Variants in PPARGC1A observed in about 807,000 individuals in gnomAD.
PPARGC1A encodes PPARG coactivator 1 alpha.
Under a neutral mutation model 88.7 loss-of-function variants are expected in PPARGC1A, and 25 were observed. The ratio of observed to expected loss-of-function variants is 0.28; its 90% CI spans 0.21 to 0.39. PPARGC1A has a LOEUF of 0.39. PPARGC1A is among the 10% of genes least tolerant of loss of function. The pLI is 1.00. For missense variants in PPARGC1A, 880 were observed against 968.7 expected, an observed-to-expected ratio of 0.91 and a Z score of 1.22; for synonymous variants, 363 against 355.6, an observed-to-expected ratio of 1.02 and a Z score of -0.24.
At chr4:24,330,732 C>G in the PPARGC1A span, among the ~76,000 whole-genome samples, 1 of 150,294 alleles carries the variant, frequency 6.7e-6, no homozygotes, top group Admixed American at 6.6e-5. Context: ...AACTGAGACC[C>G]AGCACACTCA....
the PPARGC1A span, among the ~76,000 whole-genome samples, chr4:24,410,902 T>C: frequency 6.6e-6 from 1 of 152,198 alleles, no homozygotes; most frequent in Non-Finnish European, 1.5e-5. Context: ...GTTTTGGGAC[T>C]CTGATCCACC....
At chr4:24,050,199 G>GTTTT in the PPARGC1A span, among the ~76,000 whole-genome samples, 1 of 134,666 alleles carries the variant, frequency 7.4e-6, no homozygotes, top group African/African-American at 2.7e-5. Context: ...GTGACCTTTT[G>GTTTT]TTTTTTTTTT....
chr4:24,012,737 A>C, the PPARGC1A span, among the ~76,000 whole-genome samples: 1 of 152,248 alleles, frequency 6.6e-6, no homozygotes, highest in East Asian at 1.9e-4. Context: ...CTAATTACTA[A>C]TAAAAGAGAT....
At chr4:24,170,463 G>A in the PPARGC1A span, among the ~76,000 whole-genome samples, 1 of 152,158 alleles carries the variant, frequency 6.6e-6, no homozygotes, top group Non-Finnish European at 1.5e-5. Flanking sequence ...AAGAATTCTT[G>A]ATTTTTAAAC....
At chr4:24,328,765 C>T in the PPARGC1A span, among the ~76,000 whole-genome samples, 1 of 152,196 alleles carries the variant, frequency 6.6e-6, no homozygotes, top group Non-Finnish European at 1.5e-5. Context: ...ATGGAGTTTG[C>T]TTTAAACGGT....
chr4:24,276,706 A>T, the PPARGC1A span, among the ~76,000 whole-genome samples: 36 of 152,230 alleles, frequency 2.4e-4, no homozygotes, highest in African/African-American at 8.2e-4. Flanking sequence ...TAGGAAAATT[A>T]AACTCAAATA....
chr4:24,337,693 GA>G, the PPARGC1A span, among the ~76,000 whole-genome samples: 63,211 of 127,158 alleles, frequency 0.5, 14,316 homozygotes, highest in African/African-American at 0.64. Context: ...TTTTACAAAT[GA>G]AAAAAAAAAA....
At chr4:24,198,836 A>G in the PPARGC1A span, among the ~76,000 whole-genome samples, 8 of 152,336 alleles carry the variant, frequency 5.3e-5, no homozygotes, top group Admixed American at 1.3e-4. Context: ...GGGCTGGGGC[A>G]CCTACAGGCT....
chr4:23,806,166 C>A (rs188531436), intron 10 of PPARGC1A, among the ~76,000 whole-genome samples: 1 of 152,128 alleles, frequency 6.6e-6, no homozygotes, highest in Admixed American at 6.6e-5. Context: ...TGCCTCACTA[C>A]CTTACAAAGA....
chr4:24,058,020 A>T, the PPARGC1A span, among the ~76,000 whole-genome samples: 1 of 152,226 alleles, frequency 6.6e-6, no homozygotes, highest in African/African-American at 2.4e-5. Flanking sequence ...AACCTGCTGG[A>T]AACAGCCCCT....
upstream of PPARGC1A, among the ~76,000 whole-genome samples, chr4:23,890,739 T>C (rs1717736460): frequency 6.6e-6 from 1 of 151,800 alleles, no homozygotes; most frequent in Non-Finnish European, 1.5e-5. Flanking sequence ...GAAGAGTTGC[T>C]GCAGTTTTCT....
the PPARGC1A span, among the ~76,000 whole-genome samples, chr4:24,161,707 C>T: frequency 2.6e-3 from 392 of 152,082 alleles, 1 homozygote; most frequent in African/African-American, 9.0e-3. Flanking sequence ...AGAGAGGTTC[C>T]GATGGTAAAT....
At chr4:24,038,979 T>C in the PPARGC1A span, among the ~76,000 whole-genome samples, 1 of 152,160 alleles carries the variant, frequency 6.6e-6, no homozygotes, top group African/African-American at 2.4e-5. Context: ...AGGTCTTGTC[T>C]TACACAATTT....
chr4:23,910,248 T>G, the PPARGC1A span, among the ~76,000 whole-genome samples: 8 of 103,542 alleles, frequency 7.7e-5, no homozygotes, highest in Middle Eastern at 4.1e-3. Flanking sequence ...TATATATAAA[T>G]ATATATTATA....
the PPARGC1A span, among the ~76,000 whole-genome samples, chr4:24,228,366 A>G: frequency 0.54 from 81,533 of 152,062 alleles, 22,667 homozygotes; most frequent in Non-Finnish European, 0.6. Context: ...GCTGGAGGCC[A>G]CTGACCTAAG....
chr4:23,983,746 G>T, the PPARGC1A span, among the ~76,000 whole-genome samples: 2 of 151,960 alleles, frequency 1.3e-5, no homozygotes, highest in Non-Finnish European at 2.9e-5. Flanking sequence ...TCCTTCAATG[G>T]CTTTCCAGTG....
chr4:24,347,311 G>T, the PPARGC1A span, among the ~76,000 whole-genome samples: 2 of 152,284 alleles, frequency 1.3e-5, no homozygotes, highest in East Asian at 1.9e-4. Flanking sequence ...TAAATCCATT[G>T]TTTCTTTGTT....
chr4:23,815,159 T>C (rs1721730236), intron 7 of PPARGC1A, among the ~76,000 whole-genome samples: 1 of 146,096 alleles, frequency 6.8e-6, no homozygotes, highest in African/African-American at 2.5e-5. Flanking sequence ...TGACAGGAAA[T>C]ATGGGGCAAT....
chr4:24,163,467 C>T, the PPARGC1A span, among the ~76,000 whole-genome samples: 2 of 151,972 alleles, frequency 1.3e-5, no homozygotes, highest in Non-Finnish European at 2.9e-5. Context: ...CAACAGTTGG[C>T]TGACATTAGA....
Sources: allele counts gnomAD v4.1 joint callset (sites outside exome capture counted in the v4.1 genomes callset), GRCh38; gene constraint gnomAD v4.1.1; transcripts MANE v1.5; gene names NCBI Gene and HGNC (gene_info 2026-07-23, HGNC 2026-07-21).